Variants in FAM153A observed in about 807,000 individuals in gnomAD.
The protein encoded by FAM153A is family with sequence similarity 153 member A.
Under a neutral mutation model 48.1 loss-of-function variants are expected in FAM153A, and 12 were observed. That is an observed-to-expected ratio of 0.25 (90% CI 0.16 to 0.40). The LOEUF is 0.40. Among genes scored for constraint, FAM153A ranks in the 10% least tolerant of loss-of-function variants. The probability of loss-of-function intolerance (pLI) is 1.00; values close to 1 mark genes in which losing one functional copy is unlikely to be tolerated. For missense variants in FAM153A, 111 were observed against 345.8 expected (o/e 0.32, Z 5.38); for synonymous variants, 36 against 118.2 (o/e 0.30, Z 4.51).
chr5:177,705,844 G>C (rs1415242654), downstream of FAM153A, among the ~76,000 whole-genome samples: 1 of 151,112 alleles, frequency 6.6e-6, no homozygotes, highest in Admixed American at 6.6e-5. Context: ...ATTTTTAGTG[G>C]AGACGGGGTT....
At chr5:177,782,905 T>TG (rs1769824218), upstream of FAM153A, 1 of 92,742 alleles carries the variant, frequency 1.1e-5, no homozygotes, top group African/African-American at 4.2e-5. Context: ...TCTCCTGGGC[T>TG]GGCCAGGGCT....
downstream of FAM153A, among the ~76,000 whole-genome samples, chr5:177,710,731 G>GT (rs1758341756): frequency 6.9e-6 from 1 of 145,228 alleles, no homozygotes; most frequent in Admixed American, 6.9e-5. Context: ...GGTCAACATG[G>GT]TGAAACCTTG....
downstream of FAM153A, among the ~76,000 whole-genome samples, chr5:177,708,618 G>A (rs1012684474): frequency 6.6e-6 from 1 of 151,882 alleles, no homozygotes; most frequent in African/African-American, 2.4e-5. Flanking sequence ...CATATGACAG[G>A]CATTACCAAT....
rs200505586 is a variant in FAM153A at position 177,728,553 on chromosome 5, GT to G, written c.964+469del. ...TACTGGACTCTTAGTTTGTTGGGGT[GT>G]TTTTTTTTTTGTTTGTTTTTGTTTT... On this transcript the variant is annotated intron_variant, in intron 18 of 20. Transcript: ENST00000614127. 6.8e-3 allele frequency among the ~76,000 whole-genome samples: 922 copies of G among 135,484 alleles called. 57 individuals are homozygous for G. The highest frequency in any genetic ancestry group is 0.024 in the African/African-American group (865 of 35,578). 88.9% of individuals were successfully genotyped at this position (135,484 alleles called of 152,430 possible).
upstream of FAM153A, among the ~76,000 whole-genome samples, chr5:177,757,871 A>G (rs2127707591): frequency 6.6e-6 from 1 of 151,338 alleles, no homozygotes; most frequent in South Asian, 2.1e-4. Flanking sequence ...AGCCAATATC[A>G]TACTGAATGG....
At chr5:177,760,103 C>A (rs1768168643) in intron 1 of FAM153A, among the ~76,000 whole-genome samples, 1 of 149,328 alleles carries the variant, frequency 6.7e-6, no homozygotes, top group African/African-American at 2.5e-5. Context: ...TTTTAATTGT[C>A]AACAACTGAA....
downstream of FAM153A, among the ~76,000 whole-genome samples, chr5:177,709,094 A>C (rs867306747): frequency 0.03 from 617 of 20,502 alleles, 19 homozygotes; most frequent in African/African-American, 0.16. Context: ...ACTCCGTCTC[A>C]AAAAAAAAAA....
At chr5:177,764,363 G>C (rs1312740435) in intron 1 of FAM153A, among the ~76,000 whole-genome samples, 3 of 140,820 alleles carry the variant, frequency 2.1e-5, no homozygotes, top group African/African-American at 8.9e-5. Flanking sequence ...GACTATTAAC[G>C]CCTGGGCTGG....
At chr5:177,743,540 G>A (rs1193672071) in intron 6 of FAM153A, among the ~76,000 whole-genome samples, 3 of 124,818 alleles carry the variant, frequency 2.4e-5, no homozygotes, top group Non-Finnish European at 5.0e-5. Flanking sequence ...AGGCCTCAAT[G>A]GAGAAAGTTG....
At chr5:177,702,188 G>A in the FAM153A span, among the ~76,000 whole-genome samples, 11 of 151,940 alleles carry the variant, frequency 7.2e-5, no homozygotes, top group Middle Eastern at 6.8e-3. Flanking sequence ...GATTACAAGC[G>A]TGAGCCACCG....
chr5:177,746,870 T>C (rs1231508489), intron 4 of FAM153A, among the ~76,000 whole-genome samples: 2 of 149,960 alleles, frequency 1.3e-5, no homozygotes, highest in African/African-American at 2.5e-5. Flanking sequence ...TGCTACTGAA[T>C]TGGAGCATTT....
intron 1 of FAM153A, among the ~76,000 whole-genome samples, chr5:177,752,638 A>AAAAAGG (rs1767109410): frequency 1.0e-5 from 1 of 98,730 alleles, no homozygotes. Flanking sequence ...AAAAAAAAAA[A>AAAAAGG]AAAAGAAAAG....
intron 1 of FAM153A, among the ~76,000 whole-genome samples, chr5:177,760,718 A>C (rs1768236213): frequency 1.7e-5 from 1 of 60,022 alleles, no homozygotes; most frequent in African/African-American, 7.0e-5. Flanking sequence ...ATGATTGTTC[A>C]ATTAATAAAT....
At chr5:177,717,793 A>G (rs1760194662), downstream of FAM153A, among the ~76,000 whole-genome samples, 1 of 106,816 alleles carries the variant, frequency 9.4e-6, no homozygotes, top group African/African-American at 4.0e-5. Flanking sequence ...TGCTCAATCT[A>G]TTCTAGTCAG....
At chr5:177,722,848 C>G (rs200771079), downstream of FAM153A, 1,065 of 147,062 alleles carry the variant, frequency 7.2e-3, 1 homozygote, top group East Asian at 0.062. Flanking sequence ...GGGGCTGGTT[C>G]CCCGGAGGGT....
rs184100824 is a variant in FAM153A, at chr5:177,740,577, T to G, written c.466+200A>C. ...AAACATAGCAGAATATGTCCCTGAT[T>G]GTTCTCTGCATTTTTTTTTTTTGAG... On this transcript the variant is annotated intron_variant, in intron 8 of 20. Transcript: ENST00000614127. Among the ~76,000 whole-genome samples, 14 of 119,104 alleles carry G rather than the reference T, an allele frequency of 1.2e-4. 4 individuals carry two copies. Among genetic ancestry groups the G allele is most frequent in the Admixed American group, 3.5e-4 (4 of 11,300 alleles). 78.1% of individuals were successfully genotyped at this position (119,104 alleles called of 152,430 possible).
chr5:177,780,219 T>C (rs1272427087), intron 1 of FAM153A, among the ~76,000 whole-genome samples: 1 of 58,792 alleles, frequency 1.7e-5, no homozygotes, highest in African/African-American at 6.5e-5. Flanking sequence ...CTGTTTGAGA[T>C]TATAAATCAG....
At chr5:177,753,136 G>A (rs1416156929) in intron 1 of FAM153A, 4 of 1,591,316 alleles carry the variant, frequency 2.5e-6, no homozygotes, top group Non-Finnish European at 3.4e-6. Flanking sequence ...TGGCTCATCT[G>A]AAGAAATTGC....
chr5:177,757,855 AC>A (rs1191222208), upstream of FAM153A, among the ~76,000 whole-genome samples: 1 of 151,298 alleles, frequency 6.6e-6, no homozygotes, highest in Non-Finnish European at 1.5e-5. Context: ...TGTATGACAA[AC>A]CCACAGCCAA....
Sources: gnomAD v4.1 joint callset for allele counts (sites outside exome capture counted in the v4.1 genomes callset) on GRCh38, gnomAD v4.1.1 for gene constraint, MANE v1.5 for transcripts, NCBI Gene and HGNC (gene_info 2026-07-23, HGNC 2026-07-21) for gene names.